The following ATP6V0A4 variants were observed in gnomAD, a reference collection of about 807,000 sequenced individuals.
ATP6V0A4 encodes the protein ATPase H+ transporting V0 subunit a4.
A neutral mutation model predicts 107.3 loss-of-function variants in ATP6V0A4; 86 were observed. The observed-to-expected ratio is 0.80, with a 90% CI of 0.67 to 0.96. The LOEUF is 0.96. Among genes scored for constraint, ATP6V0A4 ranks in the 40% least tolerant of loss-of-function variants. The pLI, the probability that ATP6V0A4 is intolerant of heterozygous loss-of-function variation, is 0.00. For synonymous variants in ATP6V0A4, 353 were observed against 381.4 expected (o/e 0.93, Z 0.87); for missense variants, 908 against 1,045.6 (o/e 0.87, Z 1.81).
intron 2 of ATP6V0A4, among the ~76,000 whole-genome samples, chr7:138,774,639 T>TATTATATACATTATATATTATATAC (rs1807565654): frequency 3.5e-4 from 48 of 137,620 alleles, no homozygotes; most frequent in South Asian, 2.9e-3. Flanking sequence ...ACATTATATA[T>TATTATATACATTATATATTATATAC]ATTATATACA....
chr7:138,719,160 T>C (rs973524811), intron 19 of ATP6V0A4, among the ~76,000 whole-genome samples: 4 of 152,132 alleles, frequency 2.6e-5, no homozygotes, highest in African/African-American at 9.7e-5. Flanking sequence ...CATGCCAGCC[T>C]CAGCAATAGA....
chr7:138,738,119 A>G (rs1411151405), intron 15 of ATP6V0A4, among the ~76,000 whole-genome samples: 1 of 152,162 alleles, frequency 6.6e-6, no homozygotes, highest in East Asian at 1.9e-4. Flanking sequence ...TAAATCATAT[A>G]TATGTATTAT....
chr7:138,785,734 C>T (rs1339882151), intron 2 of ATP6V0A4, among the ~76,000 whole-genome samples: 1 of 152,068 alleles, frequency 6.6e-6, no homozygotes, highest in Admixed American at 6.6e-5. Flanking sequence ...CCATTGTATG[C>T]ACACACACGC....
chr7:138,782,434 A>G (rs1807966516), intron 2 of ATP6V0A4, among the ~76,000 whole-genome samples: 1 of 152,196 alleles, frequency 6.6e-6, no homozygotes, highest in Non-Finnish European at 1.5e-5. Flanking sequence ...AAATACAGCC[A>G]CATTCTCAGA....
intron 1 of ATP6V0A4, among the ~76,000 whole-genome samples, chr7:138,793,782 G>A (rs1472500628): frequency 6.6e-6 from 1 of 152,186 alleles, no homozygotes; most frequent in Non-Finnish European, 1.5e-5. Flanking sequence ...ATAAGATACA[G>A]GACCTAGGTG....
intron 5 of ATP6V0A4, among the ~76,000 whole-genome samples, chr7:138,764,199 G>A (rs1480208124): frequency 1.3e-5 from 2 of 151,780 alleles, no homozygotes; most frequent in Non-Finnish European, 2.9e-5. Flanking sequence ...CAGAAGTTAG[G>A]ATAATGATGA....
intron 21 of ATP6V0A4, among the ~76,000 whole-genome samples, chr7:138,708,696 C>T (rs1803578154): frequency 6.6e-6 from 1 of 152,190 alleles, no homozygotes; most frequent in African/African-American, 2.4e-5. Context: ...GCGTCTCCCT[C>T]CTGGTGGTAC....
chr7:138,779,114 G>A lies in ATP6V0A4; in HGVS notation c.-18+7044C>T, dbSNP rs543955838. On this transcript the variant is annotated intron_variant, in intron 2 of 21. Transcript: ENST00000310018. ...CCAGCATTTTGGGAGGCCAAGACAG[G>A]TGGATTGCTTGAGCCCAGGAGTTTC... Among the ~76,000 whole-genome samples the A allele has an allele frequency of 2.6e-5, 4 of 152,296 alleles. No individual in the cohort carries two copies. The South Asian group carries it at 8.3e-4, about 32-fold the overall frequency.
chr7:138,771,041 T>C (rs1251154756), intron 3 of ATP6V0A4, 90 bp downstream of exon 3: 6 of 1,265,790 alleles, frequency 4.7e-6, no homozygotes, highest in Non-Finnish European at 5.7e-6. Flanking sequence ...CCCTACAAAA[T>C]GGTTATTGTT....
intron 2 of ATP6V0A4, among the ~76,000 whole-genome samples, chr7:138,782,892 T>G (rs779355736): frequency 6.6e-6 from 1 of 152,100 alleles, no homozygotes; most frequent in Non-Finnish European, 1.5e-5. Flanking sequence ...CTGGCCAACA[T>G]AGTGAAACCC....
chr7:138,798,137 C>G lies in ATP6V0A4; in HGVS notation c.-224G>C. On this transcript the variant is annotated 5_prime_UTR_variant, in exon 1 of 22. Transcript: ENST00000310018. ...GCCTCCCCGCTGCCACCCGGGCCACCCTGATCCTCAGCCTGGCCTTTGCCT... is the reference window on the plus strand; with the variant it reads ...GCCTCCCCGCTGCCACCCGGGCCACGCTGATCCTCAGCCTGGCCTTTGCCT... 1 of 1,602,198 alleles carries G rather than the reference C, an allele frequency of 6.2e-7. No individual in the cohort carries two copies. Among genetic ancestry groups the G allele is most frequent in the South Asian group, 1.1e-5 (1 of 88,510 alleles).
In ATP6V0A4 at chr7:138,798,076, T is replaced by G; in HGVS notation, c.-163A>C. On this transcript the variant is annotated 5_prime_UTR_variant, in exon 1 of 22. Transcript: ENST00000310018. ...CACAACTCCGCAGGACCGGCTCACCTGCACCGGGCACTCAGCACAGCCTCC... is the reference window on the plus strand; with the variant it reads ...CACAACTCCGCAGGACCGGCTCACCGGCACCGGGCACTCAGCACAGCCTCC... The G allele has an allele frequency of 6.3e-7, 1 of 1,579,954 alleles. No homozygotes were observed. The highest frequency in any genetic ancestry group is 1.2e-5 in the South Asian group (1 of 86,230).
intron 11 of ATP6V0A4, among the ~76,000 whole-genome samples, chr7:138,751,999 C>T (rs776699891): frequency 6.6e-6 from 1 of 151,962 alleles, no homozygotes; most frequent in Non-Finnish European, 1.5e-5. Context: ...GGTGTCATAG[C>T]GAGGTCCCCA....
rs777814430 is a variant in ATP6V0A4, at chr7:138,759,831, C to T, written c.560G>A (p.Arg187Gln). Reference protein sequence around the residue: ...INRERMASFERLLWRICRGNV... With the variant: ...INRERMASFEQLLWRICRGNV... ...TCCTCGGCAGATTCGCCACAGTAAC[C>T]GCTCAAAGGAAGCCATCCTCTCCCT... Residue 187 changes from arginine to glutamine, a missense_variant, in exon 8 of 22, where the codon CGG (arginine) becomes CAG (glutamine). Arg to Gln is a conservative substitution (Grantham distance 43). Transcript: ENST00000310018. The T allele has an allele frequency of 2.1e-5, 34 of 1,614,104 alleles. No homozygotes were observed. The highest frequency in any genetic ancestry group is 2.7e-5 in the Non-Finnish European group (32 of 1,180,012).
intron 19 of ATP6V0A4, 175 bp from the exon 20 acceptor site, chr7:138,716,056 G>A: frequency 2.2e-6 from 1 of 447,864 alleles, no homozygotes; most frequent in Non-Finnish European, 3.0e-6. Context: ...AAAGTCGTAT[G>A]TTATGTGTGT....
intron 7 of ATP6V0A4, among the ~76,000 whole-genome samples, chr7:138,760,457 A>AG (rs1477402179): frequency 4.7e-5 from 7 of 147,680 alleles, no homozygotes; most frequent in African/African-American, 1.0e-4. Context: ...AAAAAAAAAA[A>AG]AAAAAAAGAA....
intron 5 of ATP6V0A4, among the ~76,000 whole-genome samples, chr7:138,767,087 GA>G (rs767836793): frequency 2.0e-5 from 3 of 152,132 alleles, no homozygotes; most frequent in Non-Finnish European, 2.9e-5. Context: ...TCCTTCTCAT[GA>G]AAGTGTTTTT....
rs142105628 is a variant in ATP6V0A4, at chr7:138,760,169, C to T, written c.513-291G>A. Reference sequence around the variant, plus strand: ...TTAAGAATATGATAGAATGGCCAGGCGCCGTGGCTCACACCTGTAATCCCA... The same window carrying T: ...TTAAGAATATGATAGAATGGCCAGGTGCCGTGGCTCACACCTGTAATCCCA... On this transcript the variant is annotated intron_variant, in intron 7 of 21. Transcript: ENST00000310018. 1.8e-4 allele frequency among the ~76,000 whole-genome samples: 27 copies of T among 152,250 alleles called. No individual in the cohort carries two copies. The East Asian group carries it at 3.9e-3, about 22-fold the overall frequency.
intron 1 of ATP6V0A4, among the ~76,000 whole-genome samples, chr7:138,793,772 A>G (rs1238191266): frequency 1.3e-5 from 2 of 152,232 alleles, no homozygotes; most frequent in African/African-American, 4.8e-5. Flanking sequence ...ATGGGAGGGA[A>G]TAAGATACAG....
Sources: gnomAD v4.1 joint callset for allele counts (sites outside exome capture counted in the v4.1 genomes callset) on GRCh38, gnomAD v4.1.1 for gene constraint, MANE v1.5 for transcripts, NCBI Gene and HGNC (gene_info 2026-07-23, HGNC 2026-07-21) for gene names.